PTPRD: variants seen among roughly 807,000 people sequenced by gnomAD.
PTPRD encodes the protein receptor-type tyrosine-protein phosphatase delta.
PTPRD carries 34 observed loss-of-function variants against 214.5 expected under a neutral mutation model. The ratio of observed to expected loss-of-function variants is 0.16; its 90% CI spans 0.12 to 0.21. The LOEUF (loss-of-function observed/expected upper bound fraction) is 0.21. Ranked by LOEUF, PTPRD falls within the 10% of genes least tolerant of loss-of-function variation. PTPRD has a pLI of 1.00. For synonymous variants in PTPRD, 1,128 were observed against 845.7 expected (o/e 1.33, Z -5.79); for missense variants, 2,545 against 2,398.7 (o/e 1.06, Z -1.27).
chr9:8,814,420 A>G (rs1431126449), intron 11 of PTPRD, among the ~76,000 whole-genome samples: 1 of 152,156 alleles, frequency 6.6e-6, no homozygotes, highest in African/African-American at 2.4e-5. Flanking sequence ...GACCCCACAG[A>G]AGGAATGTTC....
At position 8,658,296 on chromosome 9, in the gene PTPRD, C is replaced by A. The variant is rs1426756984; in HGVS notation, c.65-21452G>T. Among the ~76,000 whole-genome samples the A allele has an allele frequency of 6.6e-5, 10 of 152,164 alleles. No individual in the cohort carries two copies. The East Asian group carries it at 1.9e-3, about 29-fold the overall frequency. Reference sequence around the variant, plus strand: ...TAAATAGCAATTTAATTTTTAAAATCCTTACTACTAGTTGCAATAAATGTT... The same window carrying A: ...TAAATAGCAATTTAATTTTTAAAATACTTACTACTAGTTGCAATAAATGTT... On this transcript the variant is annotated intron_variant, in intron 12 of 45. Coordinates refer to ENST00000381196, the MANE Select transcript of PTPRD (RefSeq NM_002839.4).
chr9:8,601,235 C>T (rs2094840123), intron 14 of PTPRD, among the ~76,000 whole-genome samples: 1 of 152,180 alleles, frequency 6.6e-6, no homozygotes. Flanking sequence ...CAGACTAGAA[C>T]ACCAAGTAGA....
At chr9:8,886,125 G>T (rs78242377) in intron 11 of PTPRD, among the ~76,000 whole-genome samples, 1 of 152,070 alleles carries the variant, frequency 6.6e-6, no homozygotes, top group African/African-American at 2.4e-5. Flanking sequence ...GGAAGAAAAC[G>T]AAATGAAAAA....
intron 5 of PTPRD, among the ~76,000 whole-genome samples, chr9:9,883,465 A>C (rs1012404659): frequency 3.3e-5 from 5 of 152,126 alleles, no homozygotes; most frequent in African/African-American, 9.7e-5. Context: ...GAAAGTATAA[A>C]TGATGTCTGG....
chr9:10,514,388 A>G (rs934500973), intron 2 of PTPRD, among the ~76,000 whole-genome samples: 3 of 151,612 alleles, frequency 2.0e-5, no homozygotes, highest in Non-Finnish European at 4.4e-5. Flanking sequence ...AGTCTTTAAC[A>G]TTCATAATTT....
chr9:10,070,991 T>A (rs1412725270), intron 3 of PTPRD, among the ~76,000 whole-genome samples: 1 of 152,012 alleles, frequency 6.6e-6, no homozygotes, highest in Non-Finnish European at 1.5e-5. Flanking sequence ...ATGAACAATT[T>A]GAATTTCAAA....
At chr9:9,706,183 G>C (rs1384896237) in intron 7 of PTPRD, among the ~76,000 whole-genome samples, 1 of 151,506 alleles carries the variant, frequency 6.6e-6, no homozygotes, top group South Asian at 2.1e-4. Context: ...CCTAATCTAG[G>C]GAAATATACA....
chr9:8,345,575 G>T (rs369856578), intron 39 of PTPRD, among the ~76,000 whole-genome samples: 1 of 151,896 alleles, frequency 6.6e-6, no homozygotes, highest in Non-Finnish European at 1.5e-5. Flanking sequence ...ACTCCCTTGG[G>T]GTTAATGGTA....
intron 4 of PTPRD, among the ~76,000 whole-genome samples, chr9:10,004,325 T>G (rs1262056110): frequency 1.3e-5 from 2 of 151,980 alleles, no homozygotes; most frequent in East Asian, 1.9e-4. Context: ...ATTTGCCATG[T>G]GGAAACAAAG....
chr9:10,235,275 A>T (rs1004889930), intron 3 of PTPRD, among the ~76,000 whole-genome samples: 7 of 151,996 alleles, frequency 4.6e-5, no homozygotes, highest in Admixed American at 3.3e-4. Context: ...ACCTTATTTT[A>T]GCAATGCCAT....
In PTPRD at chr9:9,183,561, C is replaced by A. The variant is rs367914843; in HGVS notation, c.-202-198G>T. ...GAAGTAGTGAAATGCCAAAAACCAACATGGAAATCACTATTGTTCACAGGC... is the reference window on the plus strand; with the variant it reads ...GAAGTAGTGAAATGCCAAAAACCAAAATGGAAATCACTATTGTTCACAGGC... On this transcript the variant is annotated intron_variant, in intron 9 of 45. Transcript: ENST00000381196. 3.4e-4 allele frequency among the ~76,000 whole-genome samples: 51 copies of A among 152,034 alleles called. No homozygotes were observed. The South Asian group carries it at 9.1e-3, about 27-fold the overall frequency.
intron 2 of PTPRD, among the ~76,000 whole-genome samples, chr9:10,370,100 G>T (rs763870508): frequency 6.6e-6 from 1 of 152,048 alleles, no homozygotes; most frequent in Non-Finnish European, 1.5e-5. Flanking sequence ...GCTCACAATG[G>T]AACAAAGACT....
chr9:8,590,624 G>A (rs1168799347), intron 14 of PTPRD, among the ~76,000 whole-genome samples: 1 of 152,160 alleles, frequency 6.6e-6, no homozygotes, highest in Non-Finnish European at 1.5e-5. Flanking sequence ...GGTATGAACA[G>A]AATGGATGTT....
At chr9:9,455,082 A>T (rs2092798489) in intron 8 of PTPRD, among the ~76,000 whole-genome samples, 1 of 151,684 alleles carries the variant, frequency 6.6e-6, no homozygotes, top group African/African-American at 2.4e-5. Context: ...GTTGAAATAT[A>T]AAAGAAGTAA....
At chr9:9,462,639 C>T (rs1168546823) in intron 8 of PTPRD, among the ~76,000 whole-genome samples, 1 of 152,120 alleles carries the variant, frequency 6.6e-6, no homozygotes, top group Non-Finnish European at 1.5e-5. Flanking sequence ...TTTGCAGATC[C>T]TTCTCCCTTA....
intron 11 of PTPRD, among the ~76,000 whole-genome samples, chr9:8,947,448 G>A (rs1397770934): frequency 7.4e-6 from 1 of 134,558 alleles, no homozygotes; most frequent in Non-Finnish European, 1.5e-5. Context: ...GGATGACAGA[G>A]CGAGACTCTG....
intron 9 of PTPRD, among the ~76,000 whole-genome samples, chr9:9,217,149 A>T (rs1342774970): frequency 1.2e-4 from 19 of 152,114 alleles, no homozygotes; most frequent in Admixed American, 1.2e-3. Flanking sequence ...TAGGGCTGGC[A>T]GTTTAAAGGC....
chr9:10,031,647 T>TATATATATATACACAC lies in PTPRD; in HGVS notation c.-472+2070_-472+2071insGTGTGTATATATATAT. 3.8e-4 allele frequency among the ~76,000 whole-genome samples: 34 copies of TATATATATATACACAC among 89,638 alleles called. 1 individual carries two copies. Among genetic ancestry groups the TATATATATATACACAC allele is most frequent in the African/African-American group, 1.8e-3 (22 of 12,358 alleles). The allele number at this position is 89,638 out of a possible 152,430, so 58.8% of individuals were successfully genotyped here. ...CTCCATATATATATATATATATATA[T>TATATATATATACACAC]ACACACACACACACACACATACACA... On this transcript the variant is annotated intron_variant, in intron 4 of 45. Transcript: ENST00000381196.
At chr9:9,551,209 C>T (rs150646549) in intron 8 of PTPRD, among the ~76,000 whole-genome samples, 2 of 151,912 alleles carry the variant, frequency 1.3e-5, no homozygotes, top group African/African-American at 2.4e-5. Context: ...ATCAACCTGG[C>T]GCTAAATAAA....
Sources: allele counts gnomAD v4.1 joint callset (sites outside exome capture counted in the v4.1 genomes callset), GRCh38; gene constraint gnomAD v4.1.1; transcripts MANE v1.5; gene names NCBI Gene and HGNC (gene_info 2026-07-23, HGNC 2026-07-21).